The following DCBLD2 variants were observed in gnomAD, a reference collection of about 807,000 sequenced individuals.
DCBLD2 encodes the protein discoidin, CUB and LCCL domain-containing protein 2.
A neutral mutation model predicts 86.8 loss-of-function variants in DCBLD2; 54 were observed. That is an observed-to-expected ratio of 0.62 (90% CI 0.50 to 0.78). The LOEUF (loss-of-function observed/expected upper bound fraction) is 0.78, where lower values mean the gene tolerates loss of function less well. DCBLD2 is among the 30% of genes least tolerant of loss of function. The probability of loss-of-function intolerance (pLI) is 0.00; values close to 1 mark genes in which losing one functional copy is unlikely to be tolerated. For synonymous variants in DCBLD2, 354 were observed against 341.3 expected (o/e 1.04, Z -0.41); for missense variants, 908 against 954.2 (o/e 0.95, Z 0.64).
intron 2 of DCBLD2, among the ~76,000 whole-genome samples, chr3:98,879,095 T>G (rs1943417517): frequency 6.6e-6 from 1 of 152,194 alleles, no homozygotes; most frequent in Non-Finnish European, 1.5e-5. Flanking sequence ...TATAATTCTC[T>G]TGTTTTATTT....
chr3:98,846,393 T>C (rs1256323836), intron 3 of DCBLD2, among the ~76,000 whole-genome samples: 2 of 152,162 alleles, frequency 1.3e-5, no homozygotes, highest in Non-Finnish European at 2.9e-5. Flanking sequence ...TGGATAAAAA[T>C]ATACTGAGGA....
intron 3 of DCBLD2, among the ~76,000 whole-genome samples, chr3:98,836,650 C>T (rs1287094546): frequency 3.8e-5 from 5 of 130,378 alleles, no homozygotes; most frequent in East Asian, 2.0e-4. Context: ...AGAGGGGCTC[C>T]TCACTTCCCA....
At chr3:98,848,895 T>C (rs557020014) in intron 3 of DCBLD2, among the ~76,000 whole-genome samples, 1 of 152,244 alleles carries the variant, frequency 6.6e-6, no homozygotes, top group East Asian at 1.9e-4. Context: ...ATAGGCCGGG[T>C]GCAGTAGCTC....
intron 1 of DCBLD2, among the ~76,000 whole-genome samples, chr3:98,890,618 C>T (rs1943643365): frequency 6.6e-6 from 1 of 152,018 alleles, no homozygotes; most frequent in South Asian, 2.1e-4. Context: ...TCTTTTGTTA[C>T]CTTCTACAGC....
intron 2 of DCBLD2, among the ~76,000 whole-genome samples, chr3:98,857,880 C>T (rs551901184): frequency 4.6e-5 from 7 of 152,382 alleles, no homozygotes. Context: ...CTCCAAGTCC[C>T]CACCAGACTC....
chr3:98,901,174 G>C lies in DCBLD2; in HGVS notation c.153C>G (p.Leu51=). The C allele has an allele frequency of 2.0e-6, 3 of 1,538,046 alleles. No individual in the cohort carries two copies. Among genetic ancestry groups the C allele is most frequent in the South Asian group, 1.2e-5 (1 of 84,036 alleles). Reference sequence around the variant, plus strand: ...GCAGGAGCAGGACAAGTAAGAGCAGGAGGAACAGAGGCATGGAGAAGGAGG... The same window carrying C: ...GCAGGAGCAGGACAAGTAAGAGCAGCAGGAACAGAGGCATGGAGAAGGAGG... The part of the protein sequence containing the change: ...NSSSFSMPLF[L]LLLLVLLLLL... The change falls in exon 1 of 16, where the codon CTC becomes CTG. Residue 51 remains leucine, a synonymous_variant. Coordinates refer to ENST00000326840, the MANE Select transcript of DCBLD2 (RefSeq NM_080927.4).
At chr3:98,858,797 C>G (rs973481783) in intron 2 of DCBLD2, among the ~76,000 whole-genome samples, 1 of 152,122 alleles carries the variant, frequency 6.6e-6, no homozygotes, top group Non-Finnish European at 1.5e-5. Flanking sequence ...AAATAGCCAA[C>G]AGATATATGA....
At chr3:98,892,618 G>A (rs1303815344) in intron 1 of DCBLD2, among the ~76,000 whole-genome samples, 1 of 152,094 alleles carries the variant, frequency 6.6e-6, no homozygotes, top group East Asian at 1.9e-4. Context: ...TGAAACAAGA[G>A]GGAAGAACTA....
At chr3:98,817,043 A>G (rs1942034782) in intron 9 of DCBLD2, among the ~76,000 whole-genome samples, 1 of 152,214 alleles carries the variant, frequency 6.6e-6, no homozygotes, top group Non-Finnish European at 1.5e-5. Context: ...CTGTGATTAC[A>G]GGAGTGAGCC....
chr3:98,852,336 T>G (rs751090746), intron 2 of DCBLD2, among the ~76,000 whole-genome samples: 12 of 151,620 alleles, frequency 7.9e-5, no homozygotes, highest in Non-Finnish European at 1.5e-4. Context: ...AACCTCTGCC[T>G]CCCACGTTCA....
chr3:98,870,810 A>AAAGG (rs1553731734), intron 2 of DCBLD2, among the ~76,000 whole-genome samples: 4,054 of 131,246 alleles, frequency 0.031, 148 homozygotes, highest in African/African-American at 0.048. Flanking sequence ...AGAAAGAAAG[A>AAAGG]AAGGTAGGCA....
At position 98,838,545 on chromosome 3, in the gene DCBLD2, C is replaced by T. The variant is rs1023565983; in HGVS notation, c.571+10916G>A. ...AGATGGGATGGCGGCCGGGCGGAGA[C>T]GCTCCTCACTTTCCAGACTGGGCAG... On this transcript the variant is annotated intron_variant, in intron 3 of 15. Coordinates refer to ENST00000326840, the MANE Select transcript of DCBLD2 (RefSeq NM_080927.4). Among the ~76,000 whole-genome samples, 31 of 146,282 alleles carry T rather than the reference C, an allele frequency of 2.1e-4. No individual in the cohort carries two copies. In the Middle Eastern group the frequency reaches 0.018, roughly 85 times the overall value.
In DCBLD2 at chr3:98,797,483, G is replaced by C. The variant is rs1941630955; in HGVS notation, c.*1889C>G. 6.6e-6 allele frequency: 1 copy of C among 152,478 alleles called. No homozygotes were observed. Among genetic ancestry groups the C allele is most frequent in the Admixed American group, 6.6e-5 (1 of 15,266 alleles). 9.4% of individuals were successfully genotyped at this position (152,478 alleles called of 1,614,324 possible). The stretch of plus-strand genomic sequence containing the variant: ...TAAGGATGAATTAAAAAATCAACTG[G>C]TTTGCTCTCTTCCCACCTGAAAAGG... On this transcript the variant is annotated 3_prime_UTR_variant, in exon 16 of 16. Transcript: ENST00000326840.
At chr3:98,820,888 T>C (rs1942109370) in intron 6 of DCBLD2, 2 of 151,326 alleles carry the variant, frequency 1.3e-5, no homozygotes, top group African/African-American at 2.4e-5. Flanking sequence ...CTGTTTTCTT[T>C]TTTAAAGTAT....
chr3:98,845,180 A>G (rs1372172004), intron 3 of DCBLD2, among the ~76,000 whole-genome samples: 1 of 152,210 alleles, frequency 6.6e-6, no homozygotes, highest in Non-Finnish European at 1.5e-5. Flanking sequence ...CTGGTAATGA[A>G]AAAAGCTGAA....
intron 6 of DCBLD2, among the ~76,000 whole-genome samples, chr3:98,821,656 C>T (rs1942120082): frequency 6.6e-6 from 1 of 151,646 alleles, no homozygotes; most frequent in Non-Finnish European, 1.5e-5. Context: ...TTTTTTAACA[C>T]TTAGAAAAGA....
intron 2 of DCBLD2, among the ~76,000 whole-genome samples, chr3:98,868,841 A>G (rs534250659): frequency 3.4e-4 from 52 of 152,308 alleles, no homozygotes; most frequent in African/African-American, 1.2e-3. Context: ...TCATATATAT[A>G]TAACATTTTC....
At chr3:98,888,218 A>G (rs369903963) in intron 1 of DCBLD2, among the ~76,000 whole-genome samples, 9 of 152,128 alleles carry the variant, frequency 5.9e-5, no homozygotes, top group African/African-American at 2.2e-4. Flanking sequence ...GAGTCCAAAG[A>G]GGGTCAATGT....
At chr3:98,800,952 T>C (rs994589943) in intron 14 of DCBLD2, among the ~76,000 whole-genome samples, 4 of 151,860 alleles carry the variant, frequency 2.6e-5, no homozygotes, top group African/African-American at 9.7e-5. Flanking sequence ...GTTAGTATAG[T>C]ACAGCCAGAT....
Sources: allele counts gnomAD v4.1 joint callset (sites outside exome capture counted in the v4.1 genomes callset), GRCh38; gene constraint gnomAD v4.1.1; transcripts MANE v1.5; gene names NCBI Gene and HGNC (gene_info 2026-07-23, HGNC 2026-07-21).